Variants in SPTBN1 observed in about 807,000 individuals in gnomAD.
SPTBN1 encodes spectrin beta, non-erythrocytic 1.
Under a neutral mutation model 266.4 loss-of-function variants are expected in SPTBN1, and 32 were observed. That is an observed-to-expected ratio of 0.12 (90% confidence interval 0.09 to 0.16). SPTBN1 has a LOEUF of 0.16. SPTBN1 is among the 10% of genes least tolerant of loss of function. The probability of loss-of-function intolerance (pLI) is 1.00; values close to 1 mark genes in which losing one functional copy is unlikely to be tolerated. For synonymous variants in SPTBN1, 1,336 were observed against 1,162.2 expected, an observed-to-expected ratio of 1.15 and a Z score of -3.04; for missense variants, 2,296 against 3,067.1, an observed-to-expected ratio of 0.75 and a Z score of 5.94.
rs2104284150 is a variant in SPTBN1, at chr2:54,668,867, T to A, written c.*298T>A. ...CAATTTTGTGAGGCTGTGTTGGAAATAACCCGCCTCTAGTGCTGTTGGTAT... is the reference window on the plus strand; with the variant it reads ...CAATTTTGTGAGGCTGTGTTGGAAAAAACCCGCCTCTAGTGCTGTTGGTAT... On this transcript the variant is annotated 3_prime_UTR_variant, in exon 36 of 36. Coordinates refer to ENST00000356805, the MANE Select transcript of SPTBN1 (RefSeq NM_003128.3). The A allele has an allele frequency of 6.1e-6, 2 of 330,458 alleles. No individual in the cohort carries two copies. The highest frequency in any genetic ancestry group is 7.7e-5 in the East Asian group (1 of 12,950). 20.5% of individuals were successfully genotyped at this position (330,458 alleles called of 1,614,324 possible).
intron 5 of SPTBN1, among the ~76,000 whole-genome samples, chr2:54,616,966 T>C (rs1677650667): frequency 6.6e-6 from 1 of 152,174 alleles, no homozygotes. Flanking sequence ...TTCTGAGAGC[T>C]AGCTGAAAAG....
chr2:54,644,120 G>A (rs1046167366), intron 19 of SPTBN1, among the ~76,000 whole-genome samples: 1 of 152,124 alleles, frequency 6.6e-6, no homozygotes, highest in African/African-American at 2.4e-5. Context: ...AACATTTATT[G>A]CTTAATTCCC....
In SPTBN1 at chr2:54,622,204, C is replaced by T. The variant is rs540645241; in HGVS notation, c.877-96C>T. On this transcript the variant is annotated intron_variant, in intron 8 of 35. Coordinates refer to ENST00000356805, the MANE Select transcript of SPTBN1 (RefSeq NM_003128.3). ...AGAGCTGGCCAAACTGTTTCAAAGCCGGTCGTTTTGTGTGCATGCACTCGT... is the reference window on the plus strand; with the variant it reads ...AGAGCTGGCCAAACTGTTTCAAAGCTGGTCGTTTTGTGTGCATGCACTCGT... The T allele has an allele frequency of 4.9e-5, 65 of 1,324,462 alleles. 1 individual carries two copies. The African/African-American group carries it at 5.9e-4, about 12-fold the overall frequency. The allele number at this position is 1,324,462 out of a possible 1,614,324, so 82.0% of individuals were successfully genotyped here. A position where few individuals can be genotyped will look rare whatever the true frequency, so the allele number is the denominator to read the frequency against.
In SPTBN1 at chr2:54,649,571, G is replaced by A. The variant is rs1285312728; in HGVS notation, c.5203-44G>A. ...TATTCATGTGATCAAGAAATACAGA[G>A]TTCACAGTGGGCTCTCTGATTTCCT... is the stretch of plus-strand genomic sequence containing the variant. On this transcript the variant is annotated intron_variant, in intron 25 of 35. Transcript: ENST00000356805. This position sits in a 1 kb window ranked among gnomAD's most constrained non-coding sequence, Gnocchi z 6.7. 6.3e-7 allele frequency: 1 copy of A among 1,589,422 alleles called. No individual in the cohort carries two copies. Among genetic ancestry groups the A allele is most frequent in the Non-Finnish European group, 8.6e-7 (1 of 1,164,070 alleles).
intron 2 of SPTBN1, among the ~76,000 whole-genome samples, chr2:54,534,110 A>C (rs1671451865): frequency 6.6e-6 from 1 of 152,144 alleles, no homozygotes; most frequent in African/African-American, 2.4e-5. Flanking sequence ...CTCTCCTTAA[A>C]ACAGAAAGTC....
chr2:54,502,357 T>G (rs141845657), intron 1 of SPTBN1, among the ~76,000 whole-genome samples: 1 of 152,242 alleles, frequency 6.6e-6, no homozygotes, highest in African/African-American at 2.4e-5. Context: ...GATGGCAGGC[T>G]GTCAGAGTGG....
intron 1 of SPTBN1, 40 bp from the exon 2 acceptor site, chr2:54,526,332 A>C: frequency 6.5e-7 from 1 of 1,537,390 alleles, no homozygotes; most frequent in Non-Finnish European, 8.8e-7. Flanking sequence ...GACTGTATAC[A>C]CTTCAGACGT....
intron 1 of SPTBN1, among the ~76,000 whole-genome samples, chr2:54,499,104 C>T (rs1669121102): frequency 6.6e-6 from 1 of 151,094 alleles, no homozygotes; most frequent in African/African-American, 2.4e-5. Flanking sequence ...CATGCAGAAG[C>T]CTTCAGGTAG....
chr2:54,464,097 T>C (rs1395337268), intron 1 of SPTBN1, among the ~76,000 whole-genome samples: 1 of 152,210 alleles, frequency 6.6e-6, no homozygotes, highest in Non-Finnish European at 1.5e-5. Context: ...CATATTTTGA[T>C]TAATACAAAC....
At chr2:54,524,959 A>G (rs1670711699) in intron 1 of SPTBN1, among the ~76,000 whole-genome samples, 1 of 149,622 alleles carries the variant, frequency 6.7e-6, no homozygotes, top group South Asian at 2.1e-4. Context: ...ATTTTTTTTT[A>G]TTTAAACTAT....
chr2:54,559,162 T>C (rs1441478879), intron 2 of SPTBN1, among the ~76,000 whole-genome samples: 1 of 152,212 alleles, frequency 6.6e-6, no homozygotes, highest in Non-Finnish European at 1.5e-5. Context: ...TTTAGCTAAC[T>C]TTACCTCCTA....
chr2:54,608,939 A>G (rs1354901912), intron 3 of SPTBN1, among the ~76,000 whole-genome samples: 2 of 152,310 alleles, frequency 1.3e-5, no homozygotes, highest in African/African-American at 4.8e-5. Flanking sequence ...AAGGAAGAGA[A>G]AATATATTTG....
At chr2:54,473,981 A>G (rs1010960144) in intron 1 of SPTBN1, among the ~76,000 whole-genome samples, 1 of 152,226 alleles carries the variant, frequency 6.6e-6, no homozygotes, top group Non-Finnish European at 1.5e-5. Context: ...AGACAGACCC[A>G]GGGTTTTAAC....
Position 54,503,461 on chromosome 2 carries a change from T to C in SPTBN1, c.-47-22911T>C, listed in dbSNP as rs1003853460. On this transcript the variant is annotated intron_variant, in intron 1 of 35. Transcript: ENST00000356805. ...CAAGATGCTCTTCAGAGAAATCTCT[T>C]TGACACTGGCTGTCTCACCCAGCAC... 2.6e-5 allele frequency among the ~76,000 whole-genome samples: 4 copies of C among 152,298 alleles called. No individual in the cohort carries two copies. In the East Asian group the frequency reaches 7.7e-4, roughly 29 times the overall value.
intron 1 of SPTBN1, among the ~76,000 whole-genome samples, chr2:54,498,477 G>A (rs1023252028): frequency 2.0e-5 from 3 of 152,072 alleles, no homozygotes; most frequent in Non-Finnish European, 2.9e-5. Flanking sequence ...TTCCCTGAGC[G>A]CTTTATGCCA....
rs950699013 is a variant in SPTBN1, at chr2:54,653,244, A to C, written c.5578-365A>C. On this transcript the variant is annotated intron_variant, in intron 26 of 35. Transcript: ENST00000356805. The surrounding 1 kb of genome is among the most constrained non-coding windows in gnomAD (Gnocchi z 5.1). Reference sequence around the variant, plus strand: ...TTTCCCATTCATCATAAAAACATTTATCTTTACCCCGAGATAGCAGATTAG... The same window carrying C: ...TTTCCCATTCATCATAAAAACATTTCTCTTTACCCCGAGATAGCAGATTAG... 2 of 177,330 alleles carry C rather than the reference A, an allele frequency of 1.1e-5. No individual in the cohort carries two copies. The highest frequency in any genetic ancestry group is 4.8e-5 in the African/African-American group (2 of 42,048). The allele number at this position is 177,330 out of a possible 1,614,324, so 11.0% of individuals were successfully genotyped here.
At chr2:54,557,930 G>A in intron 2 of SPTBN1, 1 of 985,414 alleles carries the variant, frequency 1.0e-6, no homozygotes, top group Non-Finnish European at 1.2e-6. Context: ...TGGCGCCAGC[G>A]CACTGGGGCA....
chr2:54,631,365 C>T lies in SPTBN1; in HGVS notation c.3318C>T (p.Asn1106=). 1 of 1,614,250 alleles carries T rather than the reference C, an allele frequency of 6.2e-7. No individual in the cohort carries two copies. The highest frequency in any genetic ancestry group is 8.5e-7 in the Non-Finnish European group (1 of 1,180,046). ...AGAAGCTGCTCACGCAGCACGAGAA[C>T]ATCAAGAACGAGATCGACAACTACG... The part of the protein sequence containing the change: ...EAEKLLTQHE[N]IKNEIDNYEE... The change falls in exon 16 of 36, where the codon AAC becomes AAT. Residue 1106 remains asparagine (N), a synonymous_variant. Coordinates refer to ENST00000356805, the MANE Select transcript of SPTBN1 (RefSeq NM_003128.3).
intron 10 of SPTBN1, 85 bp from the exon 11 acceptor site, chr2:54,624,719 A>G: frequency 6.4e-7 from 1 of 1,562,646 alleles, no homozygotes; most frequent in South Asian, 1.2e-5. Flanking sequence ...TTTGAGAAAT[A>G]TTAGCTGTTG....
Sources: gnomAD v4.1 joint callset for allele counts (sites outside exome capture counted in the v4.1 genomes callset) on GRCh38, gnomAD v4.1.1 for gene constraint, Gnocchi (gnomAD v3.1) non-coding constraint, MANE v1.5 for transcripts, NCBI Gene and HGNC (gene_info 2026-07-23, HGNC 2026-07-21) for gene names.